The following STAC variants were observed in gnomAD, a reference collection of about 807,000 sequenced individuals.
STAC encodes the protein SH3 and cysteine-rich domain-containing protein.
Under a neutral mutation model 48.8 loss-of-function variants are expected in STAC, and 43 were observed. The observed-to-expected ratio is 0.88, with a 90% CI of 0.69 to 1.14. The LOEUF is 1.14. Ranked by LOEUF, STAC falls within the 50% of genes most tolerant of loss-of-function variation. The pLI is 0.00. For synonymous variants in STAC, 193 were observed against 179.5 expected (o/e 1.07, Z -0.60); for missense variants, 497 against 504.0 (o/e 0.99, Z 0.13).
intron 10 of STAC, among the ~76,000 whole-genome samples, chr3:36,535,072 C>T (rs915928110): frequency 2.6e-5 from 4 of 152,054 alleles, no homozygotes; most frequent in African/African-American, 9.7e-5. Flanking sequence ...GGAGTATGGC[C>T]ATTTACATGA....
chr3:36,511,529 G>C (rs2125717589), intron 8 of STAC, among the ~76,000 whole-genome samples: 1 of 152,258 alleles, frequency 6.6e-6, no homozygotes, highest in African/African-American at 2.4e-5. Flanking sequence ...ATGGTCCCCT[G>C]GAGGTTCATT....
At position 36,447,383 on chromosome 3, in the gene STAC, T is replaced by A. The variant is rs527908811; in HGVS notation, c.388+3743T>A. On this transcript the variant is annotated intron_variant, in intron 2 of 10. Coordinates refer to ENST00000273183, the MANE Select transcript of STAC (RefSeq NM_003149.3). ...GTGAACATACTTTAATGCTACAAGATGAAGTATAAAACACTCCCCACTAGG... is the reference window on the plus strand; with the variant it reads ...GTGAACATACTTTAATGCTACAAGAAGAAGTATAAAACACTCCCCACTAGG... Among the ~76,000 whole-genome samples the A allele has an allele frequency of 2.6e-5, 4 of 152,308 alleles. No individual in the cohort carries two copies. In the South Asian group the frequency reaches 8.3e-4, roughly 32 times the overall value.
chr3:36,422,011 T>A (rs1700462207), intron 1 of STAC, among the ~76,000 whole-genome samples: 1 of 152,152 alleles, frequency 6.6e-6, no homozygotes, highest in Admixed American at 6.5e-5. Flanking sequence ...ATAGTAAGCA[T>A]TTTCATAGTT....
intron 2 of STAC, among the ~76,000 whole-genome samples, chr3:36,475,238 A>G (rs1371573598): frequency 6.6e-6 from 1 of 151,766 alleles, no homozygotes; most frequent in Non-Finnish European, 1.5e-5. Flanking sequence ...GTAGCATGTG[A>G]AAGTAATGAA....
intron 2 of STAC, among the ~76,000 whole-genome samples, chr3:36,454,151 C>T (rs945918312): frequency 2.0e-5 from 3 of 152,192 alleles, no homozygotes; most frequent in African/African-American, 7.2e-5. Flanking sequence ...CCGCTCGGAT[C>T]CTCTTCCACG....
intron 2 of STAC, among the ~76,000 whole-genome samples, chr3:36,472,172 C>T (rs770907117): frequency 1.5e-4 from 23 of 152,242 alleles, no homozygotes; most frequent in South Asian, 2.1e-4. Context: ...GAAGCTGCCA[C>T]GGCTTGGGGC....
At chr3:36,460,730 C>T (rs1180219379) in intron 2 of STAC, among the ~76,000 whole-genome samples, 1 of 152,122 alleles carries the variant, frequency 6.6e-6, no homozygotes, top group Non-Finnish European at 1.5e-5. Flanking sequence ...AAAAAACATG[C>T]TTTGAAGTTT....
intron 1 of STAC, among the ~76,000 whole-genome samples, chr3:36,437,640 G>T (rs1190077459): frequency 9.5e-6 from 1 of 105,374 alleles, no homozygotes; most frequent in Non-Finnish European, 1.8e-5. Context: ...GGTGGGGGGA[G>T]GGGGGAGGGA....
intron 1 of STAC, among the ~76,000 whole-genome samples, chr3:36,419,863 C>A (rs1700408783): frequency 6.6e-6 from 1 of 152,178 alleles, no homozygotes; most frequent in African/African-American, 2.4e-5. Flanking sequence ...TCAGCTCAGC[C>A]TGTCAAAGCA....
At chr3:36,407,445 T>A (rs1403053726) in intron 1 of STAC, among the ~76,000 whole-genome samples, 3 of 152,190 alleles carry the variant, frequency 2.0e-5, no homozygotes, top group Non-Finnish European at 2.9e-5. Flanking sequence ...GTGCCAAAAT[T>A]TAAGGATGAT....
At chr3:36,454,798 A>C (rs1299983236) in intron 2 of STAC, among the ~76,000 whole-genome samples, 1 of 152,166 alleles carries the variant, frequency 6.6e-6, no homozygotes, top group Non-Finnish European at 1.5e-5. Flanking sequence ...ATAGTAATTG[A>C]CTGAAGTCTT....
chr3:36,505,841 A>C lies in STAC; in HGVS notation c.920+7A>C. On this transcript the variant is annotated splice_region_variant and intron_variant, in intron 8 of 10. Transcript: ENST00000273183. ...ATGAAGATTTGGAAATGAGGTAAAA[A>C]CCTTCTGTAAAGAAAAAAAAGAGTA... is the stretch of plus-strand genomic sequence containing the variant. 6.3e-7 allele frequency: 1 copy of C among 1,576,474 alleles called. No homozygotes were observed. The highest frequency in any genetic ancestry group is 8.6e-7 in the Non-Finnish European group (1 of 1,160,470).
At chr3:36,414,657 A>G (rs1207305855) in intron 1 of STAC, among the ~76,000 whole-genome samples, 1 of 152,156 alleles carries the variant, frequency 6.6e-6, no homozygotes, top group East Asian at 1.9e-4. Context: ...GATCGTCTGA[A>G]GCCCTCTTCT....
chr3:36,547,191 G>C lies in STAC; in HGVS notation c.*902G>C, dbSNP rs533143578. On this transcript the variant is annotated 3_prime_UTR_variant, in exon 11 of 11. Coordinates refer to ENST00000273183, the MANE Select transcript of STAC (RefSeq NM_003149.3). ...TTTTCATTTTACATCCTCTCTATTG[G>C]AGGCAGCACTTTTCCCTCATGCTGT... is the stretch of plus-strand genomic sequence containing the variant. 22 of 152,250 alleles carry C rather than the reference G, an allele frequency of 1.4e-4. No individual in the cohort carries two copies. The highest frequency in any genetic ancestry group is 8.5e-4 in the Admixed American group (13 of 15,280). The allele number at this position is 152,250 out of a possible 1,614,324, so 9.4% of individuals were successfully genotyped here.
chr3:36,412,479 T>C (rs1575182383), intron 1 of STAC, among the ~76,000 whole-genome samples: 1 of 152,008 alleles, frequency 6.6e-6, no homozygotes. Flanking sequence ...AAATTGGGTA[T>C]ACAACTAAAA....
chr3:36,534,431 A>G (rs1298256595), intron 10 of STAC, among the ~76,000 whole-genome samples: 1 of 152,216 alleles, frequency 6.6e-6, no homozygotes, highest in African/African-American at 2.4e-5. Context: ...AAAATAGCCA[A>G]TATGATATTT....
chr3:36,531,963 G>T (rs1166057526), intron 10 of STAC, among the ~76,000 whole-genome samples: 1 of 151,964 alleles, frequency 6.6e-6, no homozygotes, highest in African/African-American at 2.4e-5. Flanking sequence ...TTACTTTCAT[G>T]GTATATTTTA....
intron 8 of STAC, among the ~76,000 whole-genome samples, chr3:36,522,113 T>C (rs976738263): frequency 2.6e-5 from 4 of 152,102 alleles, no homozygotes; most frequent in African/African-American, 9.7e-5. Flanking sequence ...AGATTTAACT[T>C]TGCAAAGTAA....
chr3:36,542,233 G>C (rs970142957), intron 10 of STAC, among the ~76,000 whole-genome samples: 2 of 152,152 alleles, frequency 1.3e-5, no homozygotes, highest in Non-Finnish European at 2.9e-5. Flanking sequence ...CCCTGATTTT[G>C]TTCTGTTGTC....
Sources: allele counts gnomAD v4.1 joint callset (sites outside exome capture counted in the v4.1 genomes callset), GRCh38; gene constraint gnomAD v4.1.1; transcripts MANE v1.5; gene names NCBI Gene and HGNC (gene_info 2026-07-23, HGNC 2026-07-21).